ANK2: variants seen among roughly 807,000 people sequenced by gnomAD.
ANK2 encodes ankyrin-2.
ANK2 carries 83 observed loss-of-function variants against 360.5 expected under a neutral mutation model. The ratio of observed to expected loss-of-function variants is 0.23; its 90% CI spans 0.19 to 0.28. ANK2 has a LOEUF of 0.28. ANK2 is among the 10% of genes least tolerant of loss of function. ANK2 has a pLI of 1.00. For missense variants in ANK2, 4,201 were observed against 4,795.7 expected (o/e 0.88, Z 3.66); for synonymous variants, 1,740 against 1,759.5 (o/e 0.99, Z 0.28).
At chr4:112,919,088 C>G (rs1351684169) in intron 2 of ANK2, among the ~76,000 whole-genome samples, 1 of 152,120 alleles carries the variant, frequency 6.6e-6, no homozygotes, top group Non-Finnish European at 1.5e-5. Flanking sequence ...TAGACCTTTT[C>G]TCAGCTTAGA....
chr4:113,222,356 A>T (rs933185692), intron 4 of ANK2, among the ~76,000 whole-genome samples: 5 of 151,756 alleles, frequency 3.3e-5, no homozygotes, highest in African/African-American at 1.2e-4. Flanking sequence ...TAATTGTCCA[A>T]TTGCTAGATA....
At chr4:113,030,730 A>G (rs2060223038) in intron 2 of ANK2, among the ~76,000 whole-genome samples, 1 of 152,068 alleles carries the variant, frequency 6.6e-6, no homozygotes. Flanking sequence ...AAGGTACTCT[A>G]AGAACTAAAA....
intron 1 of ANK2, among the ~76,000 whole-genome samples, chr4:113,056,506 T>G (rs1281459748): frequency 6.6e-6 from 1 of 152,166 alleles, no homozygotes; most frequent in Non-Finnish European, 1.5e-5. Context: ...TAATTCCTGT[T>G]GGAGGCAGAA....
Position 113,242,114 on chromosome 4 carries a change from G to A in ANK2, c.796G>A (p.Gly266Arg), listed in dbSNP as rs1563115083. The A allele has an allele frequency of 1.9e-6, 3 of 1,613,114 alleles. No homozygotes were observed. In the Admixed American group the frequency reaches 5.0e-5, roughly 27 times the overall value. The change falls in exon 9 of 46, where the codon GGA becomes AGA. Residue 266 changes from glycine (G) to arginine (R), a missense_variant. By Grantham distance (125) the Gly-to-Arg change is moderately radical. Coordinates refer to ENST00000357077, the MANE Select transcript of ANK2 (RefSeq NM_001148.6). ...GTTTGGTCTTTCTGTGGTGTAGAAT[G>A]GAATCACTCCTCTGCATGTGGCTTC... ...GAAVDFTARN[G>R]ITPLHVASKR...
intron 14 of ANK2, among the ~76,000 whole-genome samples, chr4:113,265,958 T>C (rs2055747764): frequency 1.3e-5 from 2 of 152,220 alleles, no homozygotes; most frequent in African/African-American, 4.8e-5. Context: ...TTCAAGTCTT[T>C]CTTTAAATTA....
intron 1 of ANK2, among the ~76,000 whole-genome samples, chr4:112,822,238 T>TA (rs1211981767): frequency 0.011 from 954 of 88,446 alleles, 14 homozygotes; most frequent in Non-Finnish European, 0.017. Flanking sequence ...CTGTCTCTAC[T>TA]AAAAAAAAAA....
At chr4:112,938,108 C>T (rs1464566793) in intron 2 of ANK2, among the ~76,000 whole-genome samples, 3 of 152,200 alleles carry the variant, frequency 2.0e-5, no homozygotes, top group African/African-American at 7.2e-5. Flanking sequence ...ACCAAAATGT[C>T]ATGTTAGAAT....
chr4:112,769,849 C>T, the ANK2 span, among the ~76,000 whole-genome samples: 9 of 152,084 alleles, frequency 5.9e-5, no homozygotes, highest in Non-Finnish European at 1.2e-4. Flanking sequence ...CTGATTGAGC[C>T]GGGACATCAG....
chr4:113,090,369 A>G (rs1354711892), intron 1 of ANK2, among the ~76,000 whole-genome samples: 1 of 152,212 alleles, frequency 6.6e-6, no homozygotes. Flanking sequence ...GAAAACCTAC[A>G]TAGTGGTATG....
At chr4:113,287,562 TTTC>T in intron 18 of ANK2, 40 bp from the exon 19 acceptor site, 1 of 1,407,820 alleles carries the variant, frequency 7.1e-7, no homozygotes, top group Non-Finnish European at 1.0e-6. Context: ...TGCAATGTAT[TTTC>T]TTCTTCAACT....
At chr4:112,905,539 T>C (rs780119351) in intron 2 of ANK2, among the ~76,000 whole-genome samples, 1 of 152,238 alleles carries the variant, frequency 6.6e-6, no homozygotes, top group Non-Finnish European at 1.5e-5. Context: ...CTTTGAATGA[T>C]AATTATTTAA....
intron 1 of ANK2, among the ~76,000 whole-genome samples, chr4:112,834,034 A>T (rs2060454082): frequency 6.6e-6 from 1 of 152,080 alleles, no homozygotes; most frequent in African/African-American, 2.4e-5. Flanking sequence ...GCCTTTTTTC[A>T]TTTAACATGT....
At chr4:113,000,034 G>T (rs532893258) in intron 2 of ANK2, among the ~76,000 whole-genome samples, 4 of 152,246 alleles carry the variant, frequency 2.6e-5, no homozygotes, top group Non-Finnish European at 5.9e-5. Context: ...TATTTTATGT[G>T]CATGGGAGTT....
At chr4:112,860,080 G>C (rs772715946) in intron 1 of ANK2, among the ~76,000 whole-genome samples, 5 of 152,120 alleles carry the variant, frequency 3.3e-5, no homozygotes, top group Admixed American at 6.5e-5. Flanking sequence ...TTATTAGAGT[G>C]TTCTGTAACT....
chr4:113,369,257 T>C (rs1289857053), intron 42 of ANK2, among the ~76,000 whole-genome samples: 1 of 152,204 alleles, frequency 6.6e-6, no homozygotes, highest in Non-Finnish European at 1.5e-5. Flanking sequence ...GTTGGGTAAC[T>C]GTAATACATT....
At chr4:112,802,672 G>T in the ANK2 span, among the ~76,000 whole-genome samples, 1 of 152,100 alleles carries the variant, frequency 6.6e-6, no homozygotes, top group Admixed American at 6.6e-5. Flanking sequence ...AAATAATTGA[G>T]TAGAAATTTT....
At chr4:113,363,244 A>G (rs2096331287) in intron 39 of ANK2, 94 bp from the exon 40 acceptor site, 9 of 1,284,302 alleles carry the variant, frequency 7.0e-6, no homozygotes, top group Non-Finnish European at 8.8e-6. Context: ...TCACCACAAT[A>G]TAAAGAACAC....
chr4:113,135,832 AATATAATT>A (rs1443976591), intron 1 of ANK2, among the ~76,000 whole-genome samples: 4 of 152,168 alleles, frequency 2.6e-5, no homozygotes, highest in Admixed American at 1.3e-4. Flanking sequence ...AACATCTGAA[AATATAATT>A]ATACAAGAAC....
chr4:113,281,163 A>G (rs914945769), intron 17 of ANK2, among the ~76,000 whole-genome samples: 2 of 152,254 alleles, frequency 1.3e-5, no homozygotes, highest in Admixed American at 1.3e-4. Context: ...ATGATAGCTC[A>G]TAAAGACATT....
Sources: allele counts gnomAD v4.1 joint callset (sites outside exome capture counted in the v4.1 genomes callset), GRCh38; gene constraint gnomAD v4.1.1; transcripts MANE v1.5; gene names NCBI Gene and HGNC (gene_info 2026-07-23, HGNC 2026-07-21).